CECR2: variants seen among roughly 807,000 people sequenced by gnomAD.
CECR2 encodes chromatin remodeling regulator CECR2.
Under a neutral mutation model 154.5 loss-of-function variants are expected in CECR2, and 30 were observed. That is an observed-to-expected ratio of 0.19 (90% CI 0.15 to 0.26). CECR2 has a LOEUF of 0.26. Ranked by LOEUF, CECR2 falls within the 10% of genes least tolerant of loss-of-function variation. The pLI is 1.00. For synonymous variants in CECR2, 725 were observed against 683.7 expected (o/e 1.06, Z -0.94); for missense variants, 1,743 against 1,829.3 (o/e 0.95, Z 0.86).
intron 8 of CECR2, among the ~76,000 whole-genome samples, chr22:17,523,323 T>C (rs981551388): frequency 3.3e-5 from 5 of 150,660 alleles, no homozygotes; most frequent in Non-Finnish European, 7.4e-5. Flanking sequence ...GCAGAGGTTG[T>C]AGTGAGCCAA....
rs563408287 is a variant in CECR2 at position 17,461,270 on chromosome 22, T to C, written c.127-16318T>C. Among the ~76,000 whole-genome samples the C allele has an allele frequency of 1.5e-3, 232 of 152,352 alleles. 1 individual carries two copies. Among genetic ancestry groups the C allele is most frequent in the African/African-American group, 5.2e-3 (215 of 41,582 alleles). ...ACTGCTGATACACAACTTACTGATA[T>C]TAAGTTTGATTCCCACCAGTCTCCT... On this transcript the variant is annotated intron_variant, in intron 1 of 18. Transcript: ENST00000262608.
At position 17,556,855 on chromosome 22, in the gene CECR2, C is replaced by G. The variant is rs2056777431; in HGVS notation, c.*4015C>G. 6.6e-6 allele frequency: 1 copy of G among 152,276 alleles called. No individual in the cohort carries two copies. Among genetic ancestry groups the G allele is most frequent in the African/African-American group, 2.4e-5 (1 of 41,460 alleles). 9.4% of individuals were successfully genotyped at this position (152,276 alleles called of 1,614,324 possible). Reference sequence around the variant, plus strand: ...ATTAGTGAGCCATGTACTGCCCAATCCGGGGGCTCCTGGGGTGTGGTGTGT... The same window carrying G: ...ATTAGTGAGCCATGTACTGCCCAATGCGGGGGCTCCTGGGGTGTGGTGTGT... On this transcript the variant is annotated 3_prime_UTR_variant, in exon 19 of 19. Coordinates refer to ENST00000262608, the MANE Select transcript of CECR2 (RefSeq NM_001290047.2).
At chr22:17,546,764 C>T (rs891150041) in intron 16 of CECR2, among the ~76,000 whole-genome samples, 2 of 151,900 alleles carry the variant, frequency 1.3e-5, no homozygotes, top group Non-Finnish European at 2.9e-5. Flanking sequence ...TTTGGCTGGG[C>T]GCGGTGGCTC....
chr22:17,390,953 C>T (rs1283830529), intron 1 of CECR2, among the ~76,000 whole-genome samples: 1 of 152,094 alleles, frequency 6.6e-6, no homozygotes, highest in Non-Finnish European at 1.5e-5. Flanking sequence ...TGAGAATTTT[C>T]AGATGTTCGG....
chr22:17,399,414 TG>T, intron 1 of CECR2, among the ~76,000 whole-genome samples: 1 of 134,690 alleles, frequency 7.4e-6, no homozygotes, highest in Non-Finnish European at 1.5e-5. Context: ...GAAGTAATGG[TG>T]ATTTTTTTTT....
chr22:17,378,525 T>C (rs2063147729), intron 1 of CECR2, among the ~76,000 whole-genome samples: 1 of 151,998 alleles, frequency 6.6e-6, no homozygotes, highest in African/African-American at 2.4e-5. Flanking sequence ...CGCAATCTCC[T>C]GACCCCCTCC....
At chr22:17,451,924 C>T (rs528494407) in intron 1 of CECR2, among the ~76,000 whole-genome samples, 4 of 152,162 alleles carry the variant, frequency 2.6e-5, no homozygotes, top group African/African-American at 9.6e-5. Flanking sequence ...ACAAAACAAA[C>T]GTGAAGGACT....
intron 1 of CECR2, among the ~76,000 whole-genome samples, chr22:17,377,459 C>T (rs974754352): frequency 6.6e-6 from 1 of 151,032 alleles, no homozygotes; most frequent in Non-Finnish European, 1.5e-5. Context: ...GACAGTATCT[C>T]ACTATGTTAC....
chr22:17,365,491 G>A (rs1412940152), upstream of CECR2, among the ~76,000 whole-genome samples: 5 of 151,912 alleles, frequency 3.3e-5, no homozygotes, highest in Admixed American at 3.3e-4. Context: ...TCAGGAGATC[G>A]AGACCAGCCT....
chr22:17,441,204 T>C (rs5747139), intron 1 of CECR2, among the ~76,000 whole-genome samples: 69,698 of 151,946 alleles, frequency 0.46, 18,184 homozygotes, highest in African/African-American at 0.71. Context: ...CTGCCTTGGC[T>C]TCTCAAAAGT....
chr22:17,387,769 C>T (rs2063282196), intron 1 of CECR2, among the ~76,000 whole-genome samples: 2 of 152,246 alleles, frequency 1.3e-5, no homozygotes, highest in South Asian at 4.1e-4. Flanking sequence ...GCAGAATACT[C>T]ATCGGGTAGA....
At chr22:17,432,335 C>G (rs939501282) in intron 1 of CECR2, among the ~76,000 whole-genome samples, 2 of 152,254 alleles carry the variant, frequency 1.3e-5, no homozygotes, top group Non-Finnish European at 2.9e-5. Context: ...TACCATTCCA[C>G]TGTGTGGGTA....
At chr22:17,455,344 C>T (rs562553956) in intron 1 of CECR2, among the ~76,000 whole-genome samples, 1 of 152,250 alleles carries the variant, frequency 6.6e-6, no homozygotes, top group Non-Finnish European at 1.5e-5. Flanking sequence ...CTATTTATTC[C>T]TCCTAATTAG....
In CECR2 at chr22:17,549,784, G is replaced by GTTTT. The variant is rs10653895; in HGVS notation, c.4277+238_4277+241dup. ...GCCACCACACCCAGCTAACTTTTTG[G>GTTTT]TTTTTTTTTTTTTTTTTTTTTGGTG... On this transcript the variant is annotated intron_variant, in intron 17 of 18. Coordinates refer to ENST00000262608, the MANE Select transcript of CECR2 (RefSeq NM_001290047.2). 3.8e-4 allele frequency among the ~76,000 whole-genome samples: 51 copies of GTTTT among 135,992 alleles called. 1 individual carries two copies. The highest frequency in any genetic ancestry group is 5.4e-4 in the Non-Finnish European group (35 of 65,408). The allele number at this position is 135,992 out of a possible 152,430, so 89.2% of individuals were successfully genotyped here.
intron 1 of CECR2, among the ~76,000 whole-genome samples, chr22:17,448,377 A>T (rs941163732): frequency 1.3e-5 from 2 of 152,208 alleles, no homozygotes; most frequent in Admixed American, 6.5e-5. Flanking sequence ...TGTAAATATA[A>T]TTAATATAAT....
At chr22:17,434,983 G>A (rs148129291) in intron 1 of CECR2, among the ~76,000 whole-genome samples, 21 of 152,174 alleles carry the variant, frequency 1.4e-4, no homozygotes, top group Non-Finnish European at 2.9e-4. Flanking sequence ...GGCTAATGTC[G>A]AAACTCAGAA....
At chr22:17,535,048 G>C (rs1330470084) in intron 9 of CECR2, among the ~76,000 whole-genome samples, 1 of 151,954 alleles carries the variant, frequency 6.6e-6, no homozygotes, top group Non-Finnish European at 1.5e-5. Flanking sequence ...CTATTCGGGA[G>C]GCTGAGGCAG....
chr22:17,525,448 C>T (rs1367654112), intron 9 of CECR2, among the ~76,000 whole-genome samples: 1 of 151,672 alleles, frequency 6.6e-6, no homozygotes, highest in Non-Finnish European at 1.5e-5. Context: ...TTGAGACAGC[C>T]TGGCCAACAT....
upstream of CECR2, among the ~76,000 whole-genome samples, chr22:17,368,803 C>A (rs1438028298): frequency 1.3e-5 from 2 of 152,126 alleles, no homozygotes. Flanking sequence ...TCGCTCTTCC[C>A]GCTTGGCTGC....
Sources: gnomAD v4.1 joint callset for allele counts (sites outside exome capture counted in the v4.1 genomes callset) on GRCh38, gnomAD v4.1.1 for gene constraint, MANE v1.5 for transcripts, NCBI Gene and HGNC (gene_info 2026-07-23, HGNC 2026-07-21) for gene names.